The following TSPAN3 variants were observed in gnomAD, a reference collection of about 807,000 sequenced individuals.
The protein encoded by TSPAN3 is tetraspanin-3.
Under a neutral mutation model 31.1 loss-of-function variants are expected in TSPAN3, and 9 were observed. The ratio of observed to expected loss-of-function variants is 0.29; its 90% CI spans 0.17 to 0.50. The LOEUF is 0.50. TSPAN3 is among the 20% of genes least tolerant of loss of function. The pLI is 0.98. For synonymous variants in TSPAN3, 129 were observed against 114.3 expected, an observed-to-expected ratio of 1.13 and a Z score of -0.82; for missense variants, 252 against 313.5, an observed-to-expected ratio of 0.80 and a Z score of 1.48.
At chr15:77,068,161 C>T (rs1011441512) in intron 1 of TSPAN3, 1 of 152,182 alleles carries the variant, frequency 6.6e-6, no homozygotes, top group African/African-American at 2.4e-5. Flanking sequence ...GGAGACATAC[C>T]TAATGCTGTT....
chr15:77,064,559 G>GC (rs569740499), intron 1 of TSPAN3: 1 of 152,188 alleles, frequency 6.6e-6, no homozygotes, highest in African/African-American at 2.4e-5. Context: ...TAGAGAGAGC[G>GC]CCCCTGCTGA....
chr15:77,059,366 G>C (rs923944974), intron 1 of TSPAN3, among the ~76,000 whole-genome samples: 1 of 152,238 alleles, frequency 6.6e-6, no homozygotes, highest in Non-Finnish European at 1.5e-5. Flanking sequence ...ACAGGCGTGA[G>C]CCATTGCGCC....
At chr15:77,052,985 C>A in intron 4 of TSPAN3, 56 bp from the exon 5 acceptor site, 4 of 1,501,564 alleles carry the variant, frequency 2.7e-6, no homozygotes, top group Non-Finnish European at 2.7e-6. Flanking sequence ...CCTGAAGTTC[C>A]ATGTACTACA....
rs150707893 is a variant in TSPAN3, at chr15:77,054,491, C to A, written c.331-212G>T. On this transcript the variant is annotated intron_variant, in intron 3 of 6. Coordinates refer to ENST00000267970, the MANE Select transcript of TSPAN3 (RefSeq NM_005724.6). ...TGACAGGTAAAAATTCAGACATATA[C>A]CACATACATTCAAGCATTCAAAGAG... The A allele has an allele frequency of 1.2e-3, 434 of 370,872 alleles. 12 individuals are homozygous for A. In the East Asian group the frequency reaches 0.017, roughly 14 times the overall value. The allele number at this position is 370,872 out of a possible 1,614,324, so 23.0% of individuals were successfully genotyped here.
chr15:77,058,953 C>CT (rs1255924304), intron 1 of TSPAN3, among the ~76,000 whole-genome samples: 1 of 152,168 alleles, frequency 6.6e-6, no homozygotes, highest in Non-Finnish European at 1.5e-5. Flanking sequence ...TTACAGCAAA[C>CT]TGCCTGTTCA....
chr15:77,047,473 T>C (rs778608531), intron 6 of TSPAN3, among the ~76,000 whole-genome samples: 7 of 152,318 alleles, frequency 4.6e-5, no homozygotes, highest in African/African-American at 7.2e-5. Context: ...AGTATGTGAA[T>C]AGCCCTATGG....
Position 77,070,954 on chromosome 15 carries a change from TG to T in TSPAN3, c.-1del. 7.0e-7 allele frequency: 1 copy of T among 1,432,592 alleles called. No homozygotes were observed. The highest frequency in any genetic ancestry group is 9.2e-7 in the Non-Finnish European group (1 of 1,085,792). 88.7% of individuals were successfully genotyped at this position (1,432,592 alleles called of 1,614,324 possible). ...GAGGAGGTGATGCCGCACTGGCCCA[TG>T]GCGCCGGTGGCCCGCGAAGGCCCGG... On this transcript the variant is annotated 5_prime_UTR_variant, in exon 1 of 7. Coordinates refer to ENST00000267970, the MANE Select transcript of TSPAN3 (RefSeq NM_005724.6).
chr15:77,070,820 C>G, intron 1 of TSPAN3, 72 bp downstream of exon 1: 9 of 949,616 alleles, frequency 9.5e-6, no homozygotes, highest in Non-Finnish European at 1.1e-5. Flanking sequence ...CAAGCCCGGC[C>G]CCCACGGGCG....
intron 1 of TSPAN3, among the ~76,000 whole-genome samples, chr15:77,059,526 T>C (rs1027373695): frequency 3.3e-5 from 5 of 152,202 alleles, no homozygotes; most frequent in African/African-American, 7.2e-5. Flanking sequence ...CTAAAGTAAA[T>C]AGTATCAGTC....
chr15:77,069,163 T>G (rs990993928), intron 1 of TSPAN3, among the ~76,000 whole-genome samples: 2 of 152,240 alleles, frequency 1.3e-5, no homozygotes, highest in Non-Finnish European at 2.9e-5. Context: ...CGTTTTGTGC[T>G]CTTGGGCCAG....
intron 4 of TSPAN3, among the ~76,000 whole-genome samples, chr15:77,053,687 C>T (rs370696862): frequency 5.9e-5 from 9 of 152,046 alleles, no homozygotes; most frequent in East Asian, 3.9e-4. Context: ...ATAAGACTGA[C>T]GAAAAGTTGA....
chr15:77,069,181 T>C (rs546837102), intron 1 of TSPAN3, among the ~76,000 whole-genome samples: 143 of 152,360 alleles, frequency 9.4e-4, no homozygotes, highest in African/African-American at 3.2e-3. Flanking sequence ...CAGAGATTGC[T>C]GACTCCTGGT....
At chr15:77,061,935 C>T (rs764677470) in intron 1 of TSPAN3, among the ~76,000 whole-genome samples, 4 of 151,832 alleles carry the variant, frequency 2.6e-5, no homozygotes, top group Non-Finnish European at 5.9e-5. Flanking sequence ...GTGATTTTTG[C>T]CAAAGAATCA....
At chr15:77,062,816 G>A (rs2076808167) in intron 1 of TSPAN3, among the ~76,000 whole-genome samples, 1 of 152,128 alleles carries the variant, frequency 6.6e-6, no homozygotes. Context: ...GGTATTCAGA[G>A]GTGTGTCTGC....
At chr15:77,066,532 A>G (rs907048898) in intron 1 of TSPAN3, among the ~76,000 whole-genome samples, 1 of 121,284 alleles carries the variant, frequency 8.2e-6, no homozygotes, top group Non-Finnish European at 1.6e-5. Context: ...AGATCGCACC[A>G]CTGCACTCCA....
At position 77,055,821 on chromosome 15, in the gene TSPAN3, C is replaced by T; in HGVS notation, c.298G>A (p.Val100Ile). 1 of 1,611,682 alleles carries T rather than the reference C, an allele frequency of 6.2e-7. No homozygotes were observed. Among genetic ancestry groups the T allele is most frequent in the Non-Finnish European group, 8.5e-7 (1 of 1,179,428 alleles). The change falls in exon 3 of 7, where the codon GTA (valine) becomes ATA (isoleucine). Residue 100 changes from valine (V) to isoleucine (I), a missense_variant. Coordinates refer to ENST00000267970, the MANE Select transcript of TSPAN3 (RefSeq NM_005724.6). ...CTGTAAACATATCCCAAAACCACTA[C>T]AACAACTTCTGTGACAAAAACCAAG... ...LLLVFVTEVV[V>I]VVLGYVYRAK...
At chr15:77,050,517 G>A (rs987782156) in intron 6 of TSPAN3, among the ~76,000 whole-genome samples, 3 of 152,142 alleles carry the variant, frequency 2.0e-5, no homozygotes, top group Admixed American at 6.5e-5. Context: ...AGGCTAAGCC[G>A]CTTAACTAGA....
At chr15:77,053,125 G>A (rs991522911) in intron 4 of TSPAN3, among the ~76,000 whole-genome samples, 196 bp from the exon 5 acceptor site, 2 of 152,150 alleles carry the variant, frequency 1.3e-5, no homozygotes, top group African/African-American at 4.8e-5. Flanking sequence ...TGTGGCTAGT[G>A]TGACTAGAAA....
At chr15:77,060,161 T>C (rs1372280339) in intron 1 of TSPAN3, among the ~76,000 whole-genome samples, 1 of 152,094 alleles carries the variant, frequency 6.6e-6, no homozygotes, top group Admixed American at 6.5e-5. Context: ...CAAAGCTCTA[T>C]TTGGCAACAT....
Sources: gnomAD v4.1 joint callset for allele counts (sites outside exome capture counted in the v4.1 genomes callset) on GRCh38, gnomAD v4.1.1 for gene constraint, MANE v1.5 for transcripts, NCBI Gene and HGNC (gene_info 2026-07-23, HGNC 2026-07-21) for gene names.